The following LRRFIP2 variants were observed in gnomAD, a reference collection of about 807,000 sequenced individuals.
LRRFIP2 encodes the protein leucine-rich repeat flightless-interacting protein 2.
A neutral mutation model predicts 125.9 loss-of-function variants in LRRFIP2; 109 were observed. That is an observed-to-expected ratio of 0.87 (90% CI 0.74 to 1.01). The LOEUF (loss-of-function observed/expected upper bound fraction) is 1.01, where lower values mean the gene tolerates loss of function less well. Among genes scored for constraint, LRRFIP2 ranks in the 50% least tolerant of loss-of-function variants. The probability of loss-of-function intolerance (pLI) is 0.00; values close to 1 mark genes in which losing one functional copy is unlikely to be tolerated. For synonymous variants in LRRFIP2, 291 were observed against 293.1 expected, an observed-to-expected ratio of 0.99 and a Z score of 0.07; for missense variants, 850 against 862.3, an observed-to-expected ratio of 0.99 and a Z score of 0.18.
intron 1 of LRRFIP2, among the ~76,000 whole-genome samples, chr3:37,155,724 G>A (rs1226899866): frequency 6.6e-6 from 1 of 152,106 alleles, no homozygotes; most frequent in Non-Finnish European, 1.5e-5. Context: ...TTAAACTCTA[G>A]CCAATCATGT....
At chr3:37,122,040 G>A (rs1378078974) in intron 4 of LRRFIP2, among the ~76,000 whole-genome samples, 1 of 150,960 alleles carries the variant, frequency 6.6e-6, no homozygotes, top group Admixed American at 6.6e-5. Flanking sequence ...TTTACATTAG[G>A]TATATCTCCT....
intron 6 of LRRFIP2, among the ~76,000 whole-genome samples, chr3:37,117,733 G>A (rs1009594665): frequency 6.6e-6 from 1 of 152,126 alleles, no homozygotes; most frequent in Non-Finnish European, 1.5e-5. Context: ...TTCAGCAAGT[G>A]TCAATCTCTA....
intron 16 of LRRFIP2, among the ~76,000 whole-genome samples, chr3:37,096,194 C>T (rs2093709072): frequency 6.6e-6 from 1 of 152,036 alleles, no homozygotes; most frequent in Non-Finnish European, 1.5e-5. Flanking sequence ...ATAATACTTT[C>T]AGAAGAAAGA....
intron 9 of LRRFIP2, among the ~76,000 whole-genome samples, chr3:37,110,615 G>C (rs1341832514): frequency 6.6e-6 from 1 of 152,104 alleles, no homozygotes; most frequent in African/African-American, 2.4e-5. Context: ...AACTTATTTT[G>C]AAATGTATCA....
At chr3:37,134,623 C>A in intron 2 of LRRFIP2, 1 of 590,246 alleles carries the variant, frequency 1.7e-6, no homozygotes, top group South Asian at 1.4e-5. Context: ...GAGCACATAC[C>A]GAGAGAGTGA....
intron 2 of LRRFIP2, among the ~76,000 whole-genome samples, chr3:37,148,325 G>A (rs1274086371): frequency 6.6e-6 from 1 of 152,172 alleles, no homozygotes; most frequent in Admixed American, 6.5e-5. Context: ...GTCATGAGAT[G>A]AGGGAGGAAG....
At chr3:37,134,830 C>T (rs2095517097) in intron 2 of LRRFIP2, 1 of 959,946 alleles carries the variant, frequency 1.0e-6, no homozygotes, top group Admixed American at 1.7e-5. Context: ...CATTTTCCTA[C>T]AGACTGCTCC....
intron 19 of LRRFIP2, among the ~76,000 whole-genome samples, chr3:37,075,975 A>G (rs530483401): frequency 1.3e-5 from 2 of 152,326 alleles, no homozygotes; most frequent in South Asian, 4.1e-4. Context: ...TAATGTTGGG[A>G]TAACTGGATA....
intron 19 of LRRFIP2, among the ~76,000 whole-genome samples, chr3:37,080,508 A>T (rs1368862198): frequency 6.6e-6 from 1 of 152,178 alleles, no homozygotes; most frequent in Non-Finnish European, 1.5e-5. Flanking sequence ...CAATTAAAGG[A>T]TCTAAGCACA....
chr3:37,084,682 C>G (rs1287218054), intron 18 of LRRFIP2, among the ~76,000 whole-genome samples: 1 of 150,588 alleles, frequency 6.6e-6, no homozygotes, highest in Non-Finnish European at 1.5e-5. Context: ...TAAAACAAAA[C>G]AAAATAAGAG....
intron 21 of LRRFIP2, chr3:37,067,211 G>C (rs2090328375): frequency 6.6e-6 from 1 of 152,200 alleles, no homozygotes; most frequent in East Asian, 1.9e-4. Context: ...AATCAGGTTG[G>C]TGATTTCATT....
intron 1 of LRRFIP2, among the ~76,000 whole-genome samples, chr3:37,165,708 A>T: frequency 6.6e-6 from 1 of 151,342 alleles, no homozygotes; most frequent in Non-Finnish European, 1.5e-5. Flanking sequence ...TGAGCCCGAG[A>T]TTACACCATT....
intron 4 of LRRFIP2, among the ~76,000 whole-genome samples, chr3:37,123,984 C>T (rs1278654909): frequency 6.6e-6 from 1 of 152,100 alleles, no homozygotes; most frequent in Non-Finnish European, 1.5e-5. Context: ...GAAAAATTGG[C>T]CTAAAAAGAC....
intron 25 of LRRFIP2, among the ~76,000 whole-genome samples, chr3:37,058,206 T>C (rs2148649586): frequency 6.6e-6 from 1 of 152,324 alleles, no homozygotes; most frequent in South Asian, 2.1e-4. Context: ...TTTCACTGTG[T>C]GCAAAAAGTT....
chr3:37,108,545 CTTTTT>C (rs1391750380), intron 12 of LRRFIP2, 87 bp downstream of exon 12: 2 of 1,044,278 alleles, frequency 1.9e-6, no homozygotes, highest in East Asian at 2.6e-5. Context: ...GTATATTTTT[CTTTTT>C]TATTAATTTT....
At chr3:37,101,526 G>A (rs11710860) in intron 15 of LRRFIP2, among the ~76,000 whole-genome samples, 55,063 of 151,682 alleles carry the variant, frequency 0.36, 10,929 homozygotes, top group Non-Finnish European at 0.45. Context: ...TTAGCTGGGC[G>A]TGATGACACA....
intron 1 of LRRFIP2, among the ~76,000 whole-genome samples, chr3:37,152,743 G>A (rs1409429641): frequency 1.3e-5 from 2 of 152,024 alleles, no homozygotes; most frequent in Non-Finnish European, 1.5e-5. Context: ...TGACCGAAAT[G>A]AAATTTTTAA....
At chr3:37,071,474 C>CGAG (rs11269561) in intron 21 of LRRFIP2, among the ~76,000 whole-genome samples, 61,038 of 152,056 alleles carry the variant, frequency 0.4, 12,832 homozygotes, top group Non-Finnish European at 0.46. Flanking sequence ...AAGCGATCCT[C>CGAG]CGTGCTAGGA....
chr3:37,149,460 T>C (rs1194431117), intron 1 of LRRFIP2, among the ~76,000 whole-genome samples: 2 of 151,994 alleles, frequency 1.3e-5, no homozygotes, highest in Non-Finnish European at 2.9e-5. Flanking sequence ...GAGGTTGTAG[T>C]GAGCCAAGAT....
Sources: gnomAD v4.1 joint callset for allele counts (sites outside exome capture counted in the v4.1 genomes callset) on GRCh38, gnomAD v4.1.1 for gene constraint, MANE v1.5 for transcripts, NCBI Gene and HGNC (gene_info 2026-07-23, HGNC 2026-07-21) for gene names.